Variants in IQSEC1 observed in about 807,000 individuals in gnomAD.
IQSEC1 encodes IQ motif and SEC7 domain-containing protein 1.
A neutral mutation model predicts 91.0 loss-of-function variants in IQSEC1; 31 were observed. The ratio of observed to expected loss-of-function variants is 0.34; its 90% CI spans 0.26 to 0.46. The LOEUF (loss-of-function observed/expected upper bound fraction) is 0.46, where lower values mean the gene tolerates loss of function less well. IQSEC1 is among the 20% of genes least tolerant of loss of function. The pLI is 1.00. For missense variants in IQSEC1, 1,388 were observed against 1,575.6 expected (o/e 0.88, Z 2.02); for synonymous variants, 699 against 662.6 (o/e 1.05, Z -0.84).
At chr3:12,938,159 G>A (rs1244793040) in intron 2 of IQSEC1, among the ~76,000 whole-genome samples, 1 of 152,200 alleles carries the variant, frequency 6.6e-6, no homozygotes, top group East Asian at 1.9e-4. Flanking sequence ...ATGTGATGTG[G>A]GGCTAGGAGC....
At chr3:13,164,060 C>T (rs557547168) in intron 2 of IQSEC1, among the ~76,000 whole-genome samples, 5 of 152,154 alleles carry the variant, frequency 3.3e-5, no homozygotes, top group African/African-American at 4.8e-5. Flanking sequence ...CGCCGCTCAC[C>T]GCCAGGATTC....
intron 2 of IQSEC1, among the ~76,000 whole-genome samples, chr3:13,124,902 C>A (rs1014503909): frequency 1.1e-4 from 17 of 152,298 alleles, no homozygotes; most frequent in African/African-American, 3.8e-4. Context: ...GATCCATATC[C>A]ACCCGCCCTC....
intron 2 of IQSEC1, among the ~76,000 whole-genome samples, chr3:13,144,265 T>C (rs1706848260): frequency 6.6e-6 from 1 of 152,184 alleles, no homozygotes; most frequent in African/African-American, 2.4e-5. Context: ...AGCATGCAGC[T>C]GGACTGCACG....
chr3:13,233,604 C>T (rs1039493547), intron 1 of IQSEC1, among the ~76,000 whole-genome samples: 10 of 152,182 alleles, frequency 6.6e-5, no homozygotes, highest in Admixed American at 3.9e-4. Flanking sequence ...CCACCCAGCT[C>T]GACATAACCC....
At chr3:13,031,090 G>A (rs6790533) in intron 1 of IQSEC1, among the ~76,000 whole-genome samples, 99,670 of 152,224 alleles carry the variant, frequency 0.65, 33,377 homozygotes, top group South Asian at 0.84. Flanking sequence ...CAATGTTACC[G>A]AGTTTCACAC....
intron 1 of IQSEC1, among the ~76,000 whole-genome samples, chr3:13,249,122 C>T (rs1695152445): frequency 6.6e-6 from 1 of 150,416 alleles, no homozygotes; most frequent in Non-Finnish European, 1.5e-5. Context: ...GACTTTGATG[C>T]GCAATTATAG....
rs554771942 is a variant in IQSEC1, at chr3:13,046,961, T to TTG, written c.23+26029_23+26030dup. Among the ~76,000 whole-genome samples, 448 of 152,356 alleles carry TTG rather than the reference T, an allele frequency of 2.9e-3. 1 individual carries two copies. Among genetic ancestry groups the TTG allele is most frequent in the African/African-American group, 0.01 (424 of 41,584 alleles). Reference sequence around the variant, plus strand: ...TCTAAGCGCAGTCTCCAGTATTTTTTTGTGTGTGTGAAAACAGAAAATGCT... The same window carrying TTG: ...TCTAAGCGCAGTCTCCAGTATTTTTTTGTGTGTGTGTGAAAACAGAAAATGCT... On this transcript the variant is annotated intron_variant, in intron 1 of 13. Coordinates refer to ENST00000613206, the MANE Select transcript of IQSEC1 (RefSeq NM_001134382.3).
chr3:12,999,147 C>T (rs1245220210), intron 1 of IQSEC1, among the ~76,000 whole-genome samples: 2 of 152,300 alleles, frequency 1.3e-5, no homozygotes, highest in Admixed American at 6.5e-5. Context: ...GATGACTCCC[C>T]GTGTGACTTC....
chr3:13,279,991 G>A (rs1477350056), intron 1 of IQSEC1, among the ~76,000 whole-genome samples: 1 of 152,184 alleles, frequency 6.6e-6, no homozygotes, highest in African/African-American at 2.4e-5. Flanking sequence ...CAAACAGGTG[G>A]ACAATGGAAG....
chr3:13,010,099 G>A (rs1402566861), intron 1 of IQSEC1, among the ~76,000 whole-genome samples: 3 of 152,218 alleles, frequency 2.0e-5, no homozygotes, highest in Admixed American at 2.0e-4. Flanking sequence ...TACCTCACGG[G>A]GCTGACCCGA....
chr3:13,099,387 A>C (rs1312988073), intron 2 of IQSEC1, among the ~76,000 whole-genome samples: 1 of 152,220 alleles, frequency 6.6e-6, no homozygotes, highest in East Asian at 1.9e-4. Context: ...GAGTTGCAAC[A>C]TCTCAAAGCT....
chr3:13,248,885 G>C (rs1052450819), intron 1 of IQSEC1, among the ~76,000 whole-genome samples: 1 of 92,024 alleles, frequency 1.1e-5, no homozygotes, highest in African/African-American at 1.2e-4. Flanking sequence ...TGAGTAACTT[G>C]CCCGAGGTCA....
At chr3:12,942,317 A>T (rs1423231418) in intron 1 of IQSEC1, among the ~76,000 whole-genome samples, 1 of 152,198 alleles carries the variant, frequency 6.6e-6, no homozygotes, top group Non-Finnish European at 1.5e-5. Context: ...AAACTTAAAA[A>T]AAAGGCCGGG....
intron 6 of IQSEC1, among the ~76,000 whole-genome samples, chr3:12,917,982 G>T (rs1305528655): frequency 6.6e-6 from 1 of 152,212 alleles, no homozygotes; most frequent in Non-Finnish European, 1.5e-5. Flanking sequence ...CAGAGAGGAT[G>T]TGTGTTGGGG....
chr3:12,966,135 T>C (rs1700549844), intron 1 of IQSEC1, among the ~76,000 whole-genome samples: 1 of 152,180 alleles, frequency 6.6e-6, no homozygotes, highest in Admixed American at 6.5e-5. Context: ...ATGACCCCCA[T>C]GTCCAGACTG....
intron 1 of IQSEC1, among the ~76,000 whole-genome samples, chr3:13,231,202 T>A (rs1332180233): frequency 1.3e-5 from 2 of 152,326 alleles, no homozygotes; most frequent in Admixed American, 6.5e-5. Flanking sequence ...ATGCAAAAAA[T>A]TTGGAAATCC....
intron 2 of IQSEC1, among the ~76,000 whole-genome samples, chr3:13,135,463 G>A (rs959989255): frequency 6.6e-6 from 1 of 152,254 alleles, no homozygotes; most frequent in African/African-American, 2.4e-5. Flanking sequence ...CAAAGGCCTG[G>A]GGTCAGGGGT....
intron 1 of IQSEC1, among the ~76,000 whole-genome samples, chr3:13,262,322 A>G (rs1010541241): frequency 1.3e-5 from 2 of 152,252 alleles, no homozygotes; most frequent in Non-Finnish European, 2.9e-5. Flanking sequence ...TTGTTTTCAA[A>G]AAAAGGAGGT....
At chr3:13,144,259 T>C (rs1342135387) in intron 2 of IQSEC1, among the ~76,000 whole-genome samples, 1 of 152,168 alleles carries the variant, frequency 6.6e-6, no homozygotes, top group South Asian at 2.1e-4. Context: ...CCGGCGAGCA[T>C]GCAGCTGGAC....
Sources: allele counts gnomAD v4.1 joint callset (sites outside exome capture counted in the v4.1 genomes callset), GRCh38; gene constraint gnomAD v4.1.1; transcripts MANE v1.5; gene names NCBI Gene and HGNC (gene_info 2026-07-23, HGNC 2026-07-21).